The following FBF1 variants were observed in gnomAD, a reference collection of about 807,000 sequenced individuals.
FBF1 encodes the protein Fas binding factor 1, also known as fas-binding factor 1.
A neutral mutation model predicts 147.2 loss-of-function variants in FBF1; 119 were observed. The observed-to-expected ratio is 0.81, with a 90% confidence interval of 0.70 to 0.94. The LOEUF is 0.94. FBF1 is among the 40% of genes least tolerant of loss of function. The pLI is 0.00. For missense variants in FBF1, 1,449 were observed against 1,500.8 expected (o/e 0.97, Z 0.57); for synonymous variants, 601 against 609.0 (o/e 0.99, Z 0.19).
rs2065534449 is a variant in FBF1, at chr17:75,922,518, C to A, written c.1425-472G>T. On this transcript the variant is annotated intron_variant, in intron 14 of 29. Transcript: ENST00000636174. This position sits in a 1 kb window ranked among gnomAD's most constrained non-coding sequence, Gnocchi z 5.0. ...TTTCCCCTCGGCCTCAGGTCAAAGT[C>A]AAAACTGCCCTCCTGTCATCAACCC... is the stretch of plus-strand genomic sequence containing the variant. Among the ~76,000 whole-genome samples, 1 of 152,116 alleles carries A rather than the reference C, an allele frequency of 6.6e-6. No individual in the cohort carries two copies. Among genetic ancestry groups the A allele is most frequent in the African/African-American group, 2.4e-5 (1 of 41,432 alleles).
rs764858884 is a variant in FBF1 at position 75,922,836 on chromosome 17, C to A, written c.1424+350G>T. Among the ~76,000 whole-genome samples the A allele has an allele frequency of 6.6e-6, 1 of 152,230 alleles. No homozygotes were observed. Among genetic ancestry groups the A allele is most frequent in the East Asian group, 1.9e-4 (1 of 5,196 alleles). On this transcript the variant is annotated intron_variant, in intron 14 of 29. Transcript: ENST00000636174. The surrounding 1 kb of genome is among the most constrained non-coding windows in gnomAD (Gnocchi z 5.0). ...GCAGAAGCACCGGCTGTTTGGATGC[C>A]GGGGCTTCCAGCCTGAGGGCGCTGT...
In FBF1 at chr17:75,910,864, C is replaced by T. The variant is rs2065453061; in HGVS notation, c.3364-58G>A. ...CCCTGAGCTGAGAGGGAGGTGGAGC[C>T]CTGGATGCTAGCTGAGCCAGCCGTC... is the stretch of plus-strand genomic sequence containing the variant. On this transcript the variant is annotated intron_variant, in intron 29 of 29. Transcript: ENST00000636174. The surrounding 1 kb of genome is among the most constrained non-coding windows in gnomAD (Gnocchi z 4.1). 11 of 1,455,354 alleles carry T rather than the reference C, an allele frequency of 7.6e-6. No homozygotes were observed. Among genetic ancestry groups the T allele is most frequent in the Non-Finnish European group, 9.4e-6 (10 of 1,058,560 alleles). 90.2% of individuals were successfully genotyped at this position (1,455,354 alleles called of 1,614,324 possible).
chr17:75,934,036 G>A (rs540572923), intron 4 of FBF1, among the ~76,000 whole-genome samples: 2 of 152,280 alleles, frequency 1.3e-5, no homozygotes, highest in East Asian at 1.9e-4. Context: ...TATGGTCCAG[G>A]AATTCCAAAT....
intron 5 of FBF1, among the ~76,000 whole-genome samples, chr17:75,932,268 G>A (rs1191084974): frequency 6.6e-6 from 1 of 152,112 alleles, no homozygotes; most frequent in Non-Finnish European, 1.5e-5. Flanking sequence ...TCCCAACTGC[G>A]TGGGAGGCTG....
chr17:75,919,985 G>A lies in FBF1; in HGVS notation c.1931+22C>T. The stretch of plus-strand genomic sequence containing the variant: ...GGGTCAGTGTGAGATCCAAGGCAGA[G>A]CTGGGGCCAGCGCCAGGGTACCTGT... On this transcript the variant is annotated intron_variant, in intron 19 of 29. Transcript: ENST00000636174. This position sits in a 1 kb window ranked among gnomAD's most constrained non-coding sequence, Gnocchi z 5.0. The A allele has an allele frequency of 6.2e-7, 1 of 1,609,138 alleles. No individual in the cohort carries two copies. The highest frequency in any genetic ancestry group is 8.5e-7 in the Non-Finnish European group (1 of 1,177,354).
Position 75,926,840 on chromosome 17 carries a change from A to G in FBF1, c.513T>C (p.Asp171=), listed in dbSNP as rs1193454901. 1.2e-6 allele frequency: 2 copies of G among 1,613,522 alleles called. No individual in the cohort carries two copies. The highest frequency in any genetic ancestry group is 1.7e-4 in the Middle Eastern group (1 of 6,058). ...GCGGCTGCTTGGTGATTCCTCCTTC[A>G]TCATAGGAGAGAAGTCCTCTCAATG... is the stretch of plus-strand genomic sequence containing the variant. The part of the protein sequence containing the change: ...EDPLRGLLSY[D]EGGITKQPPV... Residue 171 remains aspartate, a synonymous_variant, in exon 10 of 30, where the codon GAT becomes GAC. Transcript: ENST00000636174.
rs566149236 is a variant in FBF1 at position 75,920,500 on chromosome 17, T to G, written c.1675-71A>C. ...GGCCCAGCTGAGATCAGCTACCTCC[T>G]GGCCCACTGCTCACTGGACCTCCCT... On this transcript the variant is annotated intron_variant, in intron 17 of 29. Transcript: ENST00000636174. 7 of 1,464,622 alleles carry G rather than the reference T, an allele frequency of 4.8e-6. No individual in the cohort carries two copies. In the East Asian group the frequency reaches 1.2e-4, roughly 26 times the overall value. The allele number at this position is 1,464,622 out of a possible 1,614,324, so 90.7% of individuals were successfully genotyped here.
chr17:75,940,684 G>A (rs1289815958), intron 1 of FBF1, 164 bp downstream of exon 1: 1 of 153,844 alleles, frequency 6.5e-6, no homozygotes, highest in Non-Finnish European at 1.5e-5. Flanking sequence ...GGATTTTCTA[G>A]GCTTGGTTTG....
In FBF1 at chr17:75,919,705, TCTC is replaced by T. The variant is rs774402328; in HGVS notation, c.2098_2100del (p.Glu700del). 2.5e-6 allele frequency: 4 copies of T among 1,611,914 alleles called. No homozygotes were observed. The highest frequency in any genetic ancestry group is 2.5e-6 in the Non-Finnish European group (3 of 1,179,472). On this transcript the variant is annotated inframe_deletion, in exon 20 of 30. Transcript: ENST00000636174. The surrounding 1 kb of genome is among the most constrained non-coding windows in gnomAD (Gnocchi z 5.0). The stretch of plus-strand genomic sequence containing the variant: ...CGGAGCCGCTCCATTTCCTGGTCCT[TCTC>T]CTGCGCTATGGCCGCCAAGCGCCGC...
intron 10 of FBF1, 116 bp from the exon 11 acceptor site, chr17:75,926,542 T>C: frequency 1.1e-5 from 15 of 1,410,050 alleles, no homozygotes; most frequent in Non-Finnish European, 1.4e-5. Flanking sequence ...GCTTTAGACC[T>C]GCCTGGTCTG....
intron 2 of FBF1, 147 bp from the exon 3 acceptor site, chr17:75,937,740 G>A: frequency 1.2e-6 from 1 of 830,648 alleles, no homozygotes. Context: ...TCCTTTATGT[G>A]TTCCTATAGT....
Position 75,913,776 on chromosome 17 carries a change from G to A in FBF1, c.3173C>T (p.Ala1058Val). ...GAGGCTAGAGGGCAGGTCCTGTCGT[G>A]CGCGGTCCAGTTGCAGCCTCTGCTG... is the stretch of plus-strand genomic sequence containing the variant. ...LAQQRLQLDR[A>V]RQDLPSSLVG... The change falls in exon 28 of 30, where the codon GCA becomes GTA. Residue 1058 changes from alanine to valine, a missense_variant. Coordinates refer to ENST00000636174, the MANE Select transcript of FBF1 (RefSeq NM_001319193.2). 1 of 1,605,622 alleles carries A rather than the reference G, an allele frequency of 6.2e-7. No individual in the cohort carries two copies. The highest frequency in any genetic ancestry group is 8.5e-7 in the Non-Finnish European group (1 of 1,179,366).
rs111997929 is a variant in FBF1, at chr17:75,910,020, A to G, written c.*703T>C. 24 of 672,014 alleles carry G rather than the reference A, an allele frequency of 3.6e-5. No homozygotes were observed. Among genetic ancestry groups the G allele is most frequent in the African/African-American group, 2.6e-4 (15 of 56,704 alleles). The allele number at this position is 672,014 out of a possible 1,614,324, so 41.6% of individuals were successfully genotyped here. Reference sequence around the variant, plus strand: ...GGCTTCCCTCCTCGTCCCTCCCCACACCCCACCATCGCCACAGCTCCCTCC... The same window carrying G: ...GGCTTCCCTCCTCGTCCCTCCCCACGCCCCACCATCGCCACAGCTCCCTCC... On this transcript the variant is annotated 3_prime_UTR_variant, in exon 30 of 30. Transcript: ENST00000636174. This position sits in a 1 kb window ranked among gnomAD's most constrained non-coding sequence, Gnocchi z 4.1.
intron 7 of FBF1, 63 bp downstream of exon 7, chr17:75,929,934 A>G: frequency 1.7e-6 from 2 of 1,179,622 alleles, no homozygotes; most frequent in Non-Finnish European, 2.5e-6. Context: ...GCTTTGGTAC[A>G]AAATATCATG....
chr17:75,915,103 C>T lies in FBF1; in HGVS notation c.2542G>A (p.Glu848Lys). ...TCCTCTAGGGCGCGCTGCATGGACT[C>T]CGCCTTGGACTGCTCGGCAGTCACC... ...WRVTAEQSKA[E>K]SMQRALEEQR... The change falls in exon 24 of 30, where the codon GAG (glutamate) becomes AAG (lysine). Residue 848 changes from glutamate (E) to lysine (K), a missense_variant. Coordinates refer to ENST00000636174, the MANE Select transcript of FBF1 (RefSeq NM_001319193.2). 1.2e-6 allele frequency: 2 copies of T among 1,612,000 alleles called. No individual in the cohort carries two copies. Among genetic ancestry groups the T allele is most frequent in the Non-Finnish European group, 1.7e-6 (2 of 1,179,686 alleles).
rs2065499344 is a variant in FBF1, at chr17:75,917,983, G to C, written c.2334C>G (p.Thr778=). Residue 778 remains threonine, a synonymous_variant, in exon 22 of 30, where the codon ACC becomes ACG. Coordinates refer to ENST00000636174, the MANE Select transcript of FBF1 (RefSeq NM_001319193.2). ...LSSRVEASHL[T]TSQERELGIR... The stretch of plus-strand genomic sequence containing the variant: ...TCCCCAGCTCCCGCTCCTGGGAGGT[G>C]GTGAGGTGCGAGGCCTCCACGCGGG... 6.2e-7 allele frequency: 1 copy of C among 1,611,166 alleles called. No individual in the cohort carries two copies.
Position 75,910,210 on chromosome 17 carries a change from A to T in FBF1, c.*513T>A. On this transcript the variant is annotated 3_prime_UTR_variant, in exon 30 of 30. Coordinates refer to ENST00000636174, the MANE Select transcript of FBF1 (RefSeq NM_001319193.2). This position sits in a 1 kb window ranked among gnomAD's most constrained non-coding sequence, Gnocchi z 4.1. ...GGAACATCTCACACCACAAGGGAGGATCTAGCTGGTGCCCTCCCTGTACTG... is the reference window on the plus strand; with the variant it reads ...GGAACATCTCACACCACAAGGGAGGTTCTAGCTGGTGCCCTCCCTGTACTG... The T allele has an allele frequency of 2.7e-6, 1 of 374,764 alleles. No homozygotes were observed. The highest frequency in any genetic ancestry group is 5.2e-6 in the Non-Finnish European group (1 of 192,448). The allele number at this position is 374,764 out of a possible 1,614,324, so 23.2% of individuals were successfully genotyped here.
chr17:75,922,959 C>T lies in FBF1; in HGVS notation c.1424+227G>A, dbSNP rs2065537069. 6.6e-6 allele frequency among the ~76,000 whole-genome samples: 1 copy of T among 152,252 alleles called. No individual in the cohort carries two copies. Among genetic ancestry groups the T allele is most frequent in the South Asian group, 2.1e-4 (1 of 4,834 alleles). ...ATGGCGGTCAGGGCATGAATGTCAA[C>T]AGCCCTCCTTCTTGGGTATGTCCCT... On this transcript the variant is annotated intron_variant, in intron 14 of 29. Coordinates refer to ENST00000636174, the MANE Select transcript of FBF1 (RefSeq NM_001319193.2). The surrounding 1 kb of genome is among the most constrained non-coding windows in gnomAD (Gnocchi z 5.0).
chr17:75,938,636 G>A (rs1480754557), intron 1 of FBF1, among the ~76,000 whole-genome samples: 1 of 151,092 alleles, frequency 6.6e-6, no homozygotes, highest in African/African-American at 2.4e-5. Context: ...GGCCGAGGCA[G>A]GTGGACTACC....
Sources: gnomAD v4.1 joint callset for allele counts (sites outside exome capture counted in the v4.1 genomes callset) on GRCh38, gnomAD v4.1.1 for gene constraint, Gnocchi (gnomAD v3.1) non-coding constraint, MANE v1.5 for transcripts, NCBI Gene and HGNC (gene_info 2026-07-23, HGNC 2026-07-21) for gene names.